Variants in ANO1 observed in about 807,000 individuals in gnomAD.
The protein encoded by ANO1 is anoctamin-1.
A neutral mutation model predicts 124.0 loss-of-function variants in ANO1; 59 were observed. The observed-to-expected ratio is 0.48, with a 90% confidence interval of 0.39 to 0.59. ANO1 has a LOEUF of 0.59. Ranked by LOEUF, ANO1 falls within the 20% of genes least tolerant of loss-of-function variation. The pLI is 0.00. For missense variants in ANO1, 1,059 were observed against 1,328.0 expected (o/e 0.80, Z 3.15); for synonymous variants, 529 against 532.0 (o/e 0.99, Z 0.08).
At chr11:70,014,254 A>C (rs1691103345) in intron 1 of ANO1, among the ~76,000 whole-genome samples, 1 of 149,030 alleles carries the variant, frequency 6.7e-6, no homozygotes, top group African/African-American at 2.5e-5. Flanking sequence ...GATAAAGGAA[A>C]AGATTGCAAC....
chr11:69,982,001 C>T (rs1448262338), upstream of ANO1, among the ~76,000 whole-genome samples: 1 of 152,044 alleles, frequency 6.6e-6, no homozygotes, highest in African/African-American at 2.4e-5. Context: ...AGACAGAAGG[C>T]AGGCCAATGG....
intron 24 of ANO1, among the ~76,000 whole-genome samples, chr11:70,183,805 C>T (rs950016355): frequency 3.3e-5 from 5 of 152,220 alleles, no homozygotes; most frequent in African/African-American, 4.8e-5. Flanking sequence ...AATCAAGCTC[C>T]GTAGGCAAGG....
At chr11:70,167,498 A>C in intron 21 of ANO1, 111 bp downstream of exon 21, 1 of 1,397,424 alleles carries the variant, frequency 7.2e-7, no homozygotes, top group Non-Finnish European at 9.6e-7. Flanking sequence ...TGCGGTGCCC[A>C]GCGTCCCTCC....
intron 1 of ANO1, among the ~76,000 whole-genome samples, chr11:70,080,627 A>C (rs562266445): frequency 1.3e-3 from 197 of 152,300 alleles, no homozygotes; most frequent in African/African-American, 4.4e-3. Context: ...GCTTATCCAG[A>C]CCCAGAAACT....
chr11:69,969,140 G>A, the ANO1 span, among the ~76,000 whole-genome samples: 2 of 152,202 alleles, frequency 1.3e-5, no homozygotes, highest in African/African-American at 4.8e-5. Context: ...ACAGCCACGG[G>A]ACTGCAAGGG....
intron 1 of ANO1, among the ~76,000 whole-genome samples, chr11:69,990,746 T>C (rs1856137842): frequency 6.6e-6 from 1 of 152,364 alleles, no homozygotes; most frequent in Non-Finnish European, 1.5e-5. Flanking sequence ...ATGTCATTTA[T>C]AGATCATTTG....
chr11:70,173,661 C>A (rs937373139), intron 22 of ANO1, among the ~76,000 whole-genome samples: 2 of 152,236 alleles, frequency 1.3e-5, no homozygotes, highest in African/African-American at 4.8e-5. Context: ...ACGTTTTAGG[C>A]TTCCTGGACC....
At chr11:70,171,219 G>A (rs2048461776) in intron 22 of ANO1, among the ~76,000 whole-genome samples, 180 bp downstream of exon 22, 1 of 152,166 alleles carries the variant, frequency 6.6e-6, no homozygotes, top group Non-Finnish European at 1.5e-5. Context: ...GGCTCGCTTA[G>A]CCCTGTCCCC....
chr11:70,063,994 T>C (rs1555008150), intron 1 of ANO1: 1 of 152,218 alleles, frequency 6.6e-6, no homozygotes, highest in African/African-American at 2.4e-5. Flanking sequence ...CCAACATCAT[T>C]TTTTCCCAAG....
intron 1 of ANO1, among the ~76,000 whole-genome samples, chr11:70,035,158 T>C (rs149051004): frequency 6.6e-6 from 1 of 152,302 alleles, no homozygotes; most frequent in East Asian, 1.9e-4. Flanking sequence ...AAGGTGCTGC[T>C]TTCCAGCCAG....
At chr11:70,143,304 G>C (rs1280826485) in intron 11 of ANO1, among the ~76,000 whole-genome samples, 2 of 152,220 alleles carry the variant, frequency 1.3e-5, no homozygotes, top group African/African-American at 4.8e-5. Flanking sequence ...TTGTGCCCTG[G>C]TTTGGGCAAC....
rs753271806 is a variant in ANO1 at position 70,105,801 on chromosome 11, C to T, written c.747+13C>T. 1.6e-5 allele frequency: 26 copies of T among 1,612,370 alleles called. No individual in the cohort carries two copies. The highest frequency in any genetic ancestry group is 5.3e-5 in the African/African-American group (4 of 74,852). ...CCGGAGCACGATTGTAAGTATCGCA[C>T]GCGCCTGGAAACGGCTCACTGGCAA... On this transcript the variant is annotated intron_variant, in intron 5 of 25. Transcript: ENST00000355303.
At chr11:70,139,947 T>C (rs542496062) in intron 11 of ANO1, among the ~76,000 whole-genome samples, 1 of 152,328 alleles carries the variant, frequency 6.6e-6, no homozygotes, top group Non-Finnish European at 1.5e-5. Context: ...TCCAAGTTTT[T>C]CTCTCACCTA....
chr11:69,976,051 G>T, the ANO1 span, among the ~76,000 whole-genome samples: 3 of 152,138 alleles, frequency 2.0e-5, no homozygotes, highest in African/African-American at 4.8e-5. Flanking sequence ...TGGATGCACT[G>T]CTGGTTGCCC....
intron 2 of ANO1, among the ~76,000 whole-genome samples, chr11:70,095,210 G>A (rs199756328): frequency 1.9e-5 from 1 of 52,336 alleles, no homozygotes; most frequent in Non-Finnish European, 3.6e-5. Flanking sequence ...TCTCAAAAAA[G>A]AAAGAGAGAG....
At position 70,136,118 on chromosome 11, in the gene ANO1, C is replaced by T. The variant is rs529597782; in HGVS notation, c.1258+4039C>T. On this transcript the variant is annotated intron_variant, in intron 11 of 25. Coordinates refer to ENST00000355303, the MANE Select transcript of ANO1 (RefSeq NM_018043.7). ...CCCTGGTTGTTTGGGGAGAAACCCT[C>T]AAGGGTCTGGTCCCTCATGCGTTGG... Among the ~76,000 whole-genome samples, 3 of 152,340 alleles carry T rather than the reference C, an allele frequency of 2.0e-5. No homozygotes were observed. In the East Asian group the frequency reaches 5.8e-4, roughly 29 times the overall value.
chr11:70,112,732 T>C (rs1025202316), intron 7 of ANO1, among the ~76,000 whole-genome samples: 9 of 152,064 alleles, frequency 5.9e-5, no homozygotes, highest in African/African-American at 2.2e-4. Context: ...TAATTGTTTG[T>C]ATTGTTAGTA....
At chr11:70,105,316 T>A (rs10792806) in intron 4 of ANO1, among the ~76,000 whole-genome samples, 112,210 of 152,146 alleles carry the variant, frequency 0.74, 44,437 homozygotes, top group East Asian at 0.89. Context: ...CCATTGGAAA[T>A]ACAGGGAGAT....
intron 1 of ANO1, among the ~76,000 whole-genome samples, chr11:69,992,182 G>A (rs1003930559): frequency 6.6e-6 from 1 of 151,928 alleles, no homozygotes; most frequent in Admixed American, 6.6e-5. Context: ...ATGATGGATG[G>A]ATAGTAGGTG....
Sources: allele counts gnomAD v4.1 joint callset (sites outside exome capture counted in the v4.1 genomes callset), GRCh38; gene constraint gnomAD v4.1.1; transcripts MANE v1.5; gene names NCBI Gene and HGNC (gene_info 2026-07-23, HGNC 2026-07-21).